Variants in ZNF483 observed in about 807,000 individuals in gnomAD.
ZNF483 encodes the protein zinc finger protein HIT-10.
Under a neutral mutation model 28.6 loss-of-function variants are expected in ZNF483, and 9 were observed. That is an observed-to-expected ratio of 0.32 (90% confidence interval 0.19 to 0.55). The LOEUF is 0.55. Ranked by LOEUF, ZNF483 falls within the 20% of genes least tolerant of loss-of-function variation. The pLI, the probability that ZNF483 is intolerant of heterozygous loss-of-function variation, is 0.93. For missense variants in ZNF483, 675 were observed against 871.7 expected (o/e 0.77, Z 2.84); for synonymous variants, 322 against 306.2 (o/e 1.05, Z -0.54).
chr9:111,566,958 A>C (rs2132332673), intron 5 of ZNF483, among the ~76,000 whole-genome samples: 1 of 152,214 alleles, frequency 6.6e-6, no homozygotes, highest in Non-Finnish European at 1.5e-5. Flanking sequence ...GTGTGGTGGC[A>C]CATGACTGTT....
Position 111,527,824 on chromosome 9 carries a change from G to A in ZNF483, c.412+17G>A. ...AAGAAAAAGGTGAGATTTATAGATGGAGGGAGGAAGCGGGAGACATTGCCT... is the reference window on the plus strand; with the variant it reads ...AAGAAAAAGGTGAGATTTATAGATGAAGGGAGGAAGCGGGAGACATTGCCT... On this transcript the variant is annotated intron_variant, in intron 2 of 5. Coordinates refer to ENST00000309235, the MANE Select transcript of ZNF483 (RefSeq NM_133464.5). 1 of 1,614,120 alleles carries A rather than the reference G, an allele frequency of 6.2e-7. No homozygotes were observed. Among genetic ancestry groups the A allele is most frequent in the East Asian group, 2.2e-5 (1 of 44,880 alleles).
intron 1 of ZNF483, among the ~76,000 whole-genome samples, chr9:111,525,882 T>C (rs1039087253): frequency 4.6e-5 from 7 of 152,074 alleles, no homozygotes; most frequent in African/African-American, 1.2e-4. Context: ...TGGGTTGTTA[T>C]TGGTATGGTA....
In ZNF483 at chr9:111,545,577, G is replaced by A. The variant is rs369043700; in HGVS notation, c.*2407G>A. 7.2e-5 allele frequency among the ~76,000 whole-genome samples: 11 copies of A among 152,094 alleles called. No individual in the cohort carries two copies. In the East Asian group the frequency reaches 1.4e-3, roughly 19 times the overall value. On this transcript the variant is annotated 3_prime_UTR_variant, in exon 6 of 6. Transcript: ENST00000309235. ...TATTCCAGTTTACAGTTAATCTCCC[G>A]TCCAACCTCTAATCCCAGGCACCCA...
downstream of ZNF483, among the ~76,000 whole-genome samples, chr9:111,560,126 A>T (rs964706842): frequency 1.3e-5 from 2 of 151,528 alleles, no homozygotes; most frequent in African/African-American, 4.9e-5. Context: ...TGGGTGGATC[A>T]CCTGAGGTCA....
At chr9:111,576,693 C>T in exon 6 of ZNF483, 1 of 316,910 alleles carries the variant, frequency 3.2e-6, no homozygotes, top group Non-Finnish European at 5.8e-6. Context: ...CATATTTCCC[C>T]TAGAAGCAAT....
At chr9:111,559,939 C>A (rs1173344093), downstream of ZNF483, among the ~76,000 whole-genome samples, 1 of 152,158 alleles carries the variant, frequency 6.6e-6, no homozygotes, top group Non-Finnish European at 1.5e-5. Context: ...AGTTTTTGTA[C>A]AGACACTCTT....
chr9:111,561,148 G>GGAGAGA (rs527553902), intron 5 of ZNF483, among the ~76,000 whole-genome samples: 7 of 34,848 alleles, frequency 2.0e-4, no homozygotes, highest in Non-Finnish European at 2.5e-4. Flanking sequence ...GGAGAGAGAG[G>GGAGAGA]GAGAGAGAGA....
rs1827226057 is a variant in ZNF483, at chr9:111,528,123, A to G, written c.412+316A>G. ...CTTTCCCATCCCCTTCAAGAACACAAGTTATCTGTGAAAGTGTTTGGAGTC... is the reference window on the plus strand; with the variant it reads ...CTTTCCCATCCCCTTCAAGAACACAGGTTATCTGTGAAAGTGTTTGGAGTC... On this transcript the variant is annotated intron_variant, in intron 2 of 5. Coordinates refer to ENST00000309235, the MANE Select transcript of ZNF483 (RefSeq NM_133464.5). 6 of 1,133,354 alleles carry G rather than the reference A, an allele frequency of 5.3e-6. No individual in the cohort carries two copies. In the African/African-American group the frequency reaches 7.8e-5, roughly 15 times the overall value. 70.2% of individuals were successfully genotyped at this position (1,133,354 alleles called of 1,614,324 possible).
chr9:111,559,598 TCACACA>T (rs1037774997), downstream of ZNF483, among the ~76,000 whole-genome samples: 2 of 150,044 alleles, frequency 1.3e-5, no homozygotes, highest in South Asian at 4.2e-4. Context: ...ACACACACAC[TCACACA>T]CACACATATA....
chr9:111,574,358 T>C (rs912087768), intron 5 of ZNF483: 1 of 153,460 alleles, frequency 6.5e-6, no homozygotes, highest in African/African-American at 2.4e-5. Flanking sequence ...GTTTTTGTTA[T>C]TATTATTTTG....
intron 5 of ZNF483, among the ~76,000 whole-genome samples, chr9:111,573,893 G>T (rs1047683059): frequency 1.3e-5 from 2 of 152,118 alleles, no homozygotes; most frequent in Non-Finnish European, 2.9e-5. Context: ...GGAATGGAGC[G>T]CATGGCAGGG....
rs368701223 is a variant in ZNF483 at position 111,549,584 on chromosome 9, C to G, written c.*6414C>G. 9.5e-5 allele frequency: 65 copies of G among 683,540 alleles called. No individual in the cohort carries two copies. Among genetic ancestry groups the G allele is most frequent in the Non-Finnish European group, 1.5e-4 (61 of 413,322 alleles). 42.3% of individuals were successfully genotyped at this position (683,540 alleles called of 1,614,324 possible). A position where few individuals can be genotyped will look rare whatever the true frequency, so the allele number is the denominator to read the frequency against. On this transcript the variant is annotated 3_prime_UTR_variant, in exon 6 of 6. Transcript: ENST00000309235. ...TCCCTTGTAGATTATCAGAGTGGGTCGATAATCTACAAGCTTTGCTAAACC... is the reference window on the plus strand; with the variant it reads ...TCCCTTGTAGATTATCAGAGTGGGTGGATAATCTACAAGCTTTGCTAAACC...
At chr9:111,526,522 T>C (rs895173228) in intron 1 of ZNF483, among the ~76,000 whole-genome samples, 4 of 152,126 alleles carry the variant, frequency 2.6e-5, no homozygotes, top group African/African-American at 9.7e-5. Context: ...TTCAGAAGGA[T>C]AGAATGGAGA....
chr9:111,564,379 C>T (rs981803532), intron 5 of ZNF483: 1 of 326,258 alleles, frequency 3.1e-6, no homozygotes, highest in Non-Finnish European at 4.7e-6. Flanking sequence ...AATCATAGCT[C>T]ACTGCAGTCT....
Position 111,544,347 on chromosome 9 carries a change from CATGTGT to C in ZNF483, c.*1178_*1183del, listed in dbSNP as rs1416242000. The C allele has an allele frequency of 1.7e-4, 145 of 850,934 alleles. No homozygotes were observed. Among genetic ancestry groups the C allele is most frequent in the South Asian group, 2.7e-4 (5 of 18,348 alleles). The allele number at this position is 850,934 out of a possible 1,614,324, so 52.7% of individuals were successfully genotyped here. ...ATAACAATTTGCTTGGGTGTGTGTG[CATGTGT>C]GTGTGTGTGTGTGTGTGTGTATACA... On this transcript the variant is annotated 3_prime_UTR_variant, in exon 6 of 6. Transcript: ENST00000309235.
intron 1 of ZNF483, among the ~76,000 whole-genome samples, chr9:111,525,712 C>T (rs958157645): frequency 5.3e-5 from 8 of 152,046 alleles, no homozygotes; most frequent in East Asian, 1.9e-4. Flanking sequence ...ACATTTTCAC[C>T]GGGCCTCCTA....
intron 5 of ZNF483, among the ~76,000 whole-genome samples, chr9:111,569,447 G>A (rs1368501472): frequency 6.6e-6 from 1 of 152,142 alleles, no homozygotes; most frequent in Middle Eastern, 3.2e-3. Flanking sequence ...ATCAACCAGT[G>A]GATTTCACTA....
intron 1 of ZNF483, among the ~76,000 whole-genome samples, chr9:111,526,005 C>T (rs1351270986): frequency 1.2e-4 from 18 of 152,114 alleles, no homozygotes; most frequent in Admixed American, 1.2e-3. Flanking sequence ...GGCCTGTCCA[C>T]GCCTGGCCCC....
intron 4 of ZNF483, 88 bp from the exon 5 acceptor site, chr9:111,534,173 C>A: frequency 8.7e-7 from 1 of 1,146,230 alleles, no homozygotes; most frequent in Non-Finnish European, 1.3e-6. Flanking sequence ...TTTTTATCTT[C>A]CTTGGAGAAC....
Sources: allele counts gnomAD v4.1 joint callset (sites outside exome capture counted in the v4.1 genomes callset), GRCh38; gene constraint gnomAD v4.1.1; transcripts MANE v1.5; gene names NCBI Gene and HGNC (gene_info 2026-07-23, HGNC 2026-07-21).